The following RNF43 variants were observed in gnomAD, a reference collection of about 807,000 sequenced individuals.
RNF43 encodes ring finger protein 43.
In RNF43, 37 loss-of-function variants were observed where a neutral mutation model predicts 78.4. That is an observed-to-expected ratio of 0.47 (90% CI 0.36 to 0.62). The LOEUF is 0.62. RNF43 is among the 20% of genes least tolerant of loss of function. The probability of loss-of-function intolerance (pLI) is 0.00; values close to 1 mark genes in which losing one functional copy is unlikely to be tolerated. For synonymous variants in RNF43, 347 were observed against 395.0 expected, an observed-to-expected ratio of 0.88 and a Z score of 1.44; for missense variants, 774 against 1,007.9, an observed-to-expected ratio of 0.77 and a Z score of 3.14.
At chr17:58,361,271 C>T (rs1421491430) in intron 6 of RNF43, among the ~76,000 whole-genome samples, 2 of 152,210 alleles carry the variant, frequency 1.3e-5, no homozygotes, top group Admixed American at 6.5e-5. Flanking sequence ...ATGGGTTCAT[C>T]TCCAACCACA....
intron 3 of RNF43, among the ~76,000 whole-genome samples, chr17:58,366,992 ATTT>A (rs60382535): frequency 7.3e-5 from 9 of 122,796 alleles, no homozygotes; most frequent in African/African-American, 1.6e-4. Flanking sequence ...GGCCCGGCTA[ATTT>A]TTTTTTTTTT....
intron 2 of RNF43, among the ~76,000 whole-genome samples, chr17:58,392,799 T>G (rs960919051): frequency 6.6e-6 from 1 of 152,274 alleles, no homozygotes; most frequent in African/African-American, 2.4e-5. Context: ...TGGATATGGT[T>G]GTTTCATTCT....
chr17:58,371,875 G>A (rs1016147999), intron 2 of RNF43, among the ~76,000 whole-genome samples: 2 of 152,172 alleles, frequency 1.3e-5, no homozygotes, highest in Non-Finnish European at 2.9e-5. Context: ...CTCATCAAAG[G>A]GGTGAGACCA....
chr17:58,385,440 G>T (rs932892055), intron 2 of RNF43, among the ~76,000 whole-genome samples: 2 of 152,142 alleles, frequency 1.3e-5, no homozygotes, highest in Non-Finnish European at 2.9e-5. Flanking sequence ...CATTTTCCTA[G>T]AGACTCTGGC....
intron 2 of RNF43, among the ~76,000 whole-genome samples, chr17:58,382,578 C>G (rs1250361257): frequency 6.6e-6 from 1 of 152,212 alleles, no homozygotes; most frequent in Non-Finnish European, 1.5e-5. Flanking sequence ...AAACTCACTT[C>G]TTTCTGGAGA....
In RNF43 at chr17:58,362,646, T is replaced by C. The variant is rs1406670009; in HGVS notation, c.585A>G (p.Pro195=). The change falls in exon 6 of 10, where the codon CCA becomes CCG. Residue 195 remains proline (P), a splice_region_variant and synonymous_variant. Coordinates refer to ENST00000407977, the MANE Select transcript of RNF43 (RefSeq NM_017763.6). ...TCATTAGGATCCACACATCATAATC[T>C]GGCTGGGGAGTGAGCAGAGAGGGAA... ...RIELKEPPAW[P]DYDVWILMTV... 6.2e-7 allele frequency: 1 copy of C among 1,608,602 alleles called. No individual in the cohort carries two copies. The highest frequency in any genetic ancestry group is 8.5e-7 in the Non-Finnish European group (1 of 1,177,036).
chr17:58,396,409 A>G (rs1024404401), intron 2 of RNF43, among the ~76,000 whole-genome samples: 13 of 152,230 alleles, frequency 8.5e-5, no homozygotes, highest in African/African-American at 2.9e-4. Flanking sequence ...GCTGAAACAG[A>G]TAAGCCTTAG....
intron 5 of RNF43, among the ~76,000 whole-genome samples, chr17:58,362,890 G>GA (rs1972867645): frequency 6.6e-6 from 1 of 152,160 alleles, no homozygotes; most frequent in African/African-American, 2.4e-5. Context: ...TGTGCTTGGG[G>GA]AAAAAAGAGA....
intron 2 of RNF43, among the ~76,000 whole-genome samples, chr17:58,402,007 G>C (rs973665941): frequency 6.6e-6 from 1 of 152,172 alleles, no homozygotes; most frequent in African/African-American, 2.4e-5. Context: ...TTCCATGAAA[G>C]AGACGGTCTT....
At chr17:58,406,898 C>T (rs184564952) in intron 2 of RNF43, among the ~76,000 whole-genome samples, 77 of 151,422 alleles carry the variant, frequency 5.1e-4, no homozygotes, top group African/African-American at 1.7e-3. Flanking sequence ...TTTTGATATA[C>T]TAGCACGCAC....
intron 9 of RNF43, among the ~76,000 whole-genome samples, chr17:58,356,158 T>G (rs554617454): frequency 6.6e-6 from 1 of 152,118 alleles, no homozygotes; most frequent in African/African-American, 2.4e-5. Context: ...GATGTCCTGA[T>G]TGGCAAGTTC....
In RNF43 at chr17:58,370,896, G is replaced by T. The variant is rs1249083177; in HGVS notation, c.375+15C>A. ...GTGAAGCTCCGGGTGTGTGTAGGGCGAAGTGTGAGTCTACCTTGCTAGCCA... is the reference window on the plus strand; with the variant it reads ...GTGAAGCTCCGGGTGTGTGTAGGGCTAAGTGTGAGTCTACCTTGCTAGCCA... On this transcript the variant is annotated intron_variant, in intron 3 of 9. Coordinates refer to ENST00000407977, the MANE Select transcript of RNF43 (RefSeq NM_017763.6). 7 of 1,581,690 alleles carry T rather than the reference G, an allele frequency of 4.4e-6. No homozygotes were observed. Among genetic ancestry groups the T allele is most frequent in the Non-Finnish European group, 4.3e-6 (5 of 1,162,328 alleles).
rs549993660 is a variant in RNF43 at position 58,358,597 on chromosome 17, A to G, written c.1179T>C (p.Ala393=). 1 of 1,581,688 alleles carries G rather than the reference A, an allele frequency of 6.3e-7. No individual in the cohort carries two copies. The highest frequency in any genetic ancestry group is 8.6e-7 in the Non-Finnish European group (1 of 1,162,606). Residue 393 remains alanine (A), a synonymous_variant, in exon 9 of 10, where the codon GCT becomes GCC. Coordinates refer to ENST00000407977, the MANE Select transcript of RNF43 (RefSeq NM_017763.6). The surrounding 1 kb of genome is among the most constrained non-coding windows in gnomAD (Gnocchi z 6.2). ...MGPRHHRFPR[A]AHPRAPGEQQ... ...GCTCTCCTGGAGCCCGGGGATGTGC[A>G]GCTCTGGGGAAGCGGTGATGCCGAG...
chr17:58,406,164 T>A (rs146792901), intron 2 of RNF43, among the ~76,000 whole-genome samples: 6 of 152,324 alleles, frequency 3.9e-5, no homozygotes, highest in African/African-American at 1.4e-4. Flanking sequence ...TTTTAAAGTA[T>A]GCCTGTAGTT....
chr17:58,366,635 CTG>C (rs1378038750), intron 3 of RNF43, among the ~76,000 whole-genome samples: 1 of 152,180 alleles, frequency 6.6e-6, no homozygotes, highest in Non-Finnish European at 1.5e-5. Context: ...CAACTATTAG[CTG>C]TGAGACTTGG....
At chr17:58,353,209 C>G (rs1468665336), downstream of RNF43, 1 of 216,098 alleles carries the variant, frequency 4.6e-6, no homozygotes, top group Non-Finnish European at 9.3e-6. Flanking sequence ...GTTGGCGGTC[C>G]CATGCTGTGT....
intron 1 of RNF43, chr17:58,416,236 T>G (rs183738589): frequency 2.6e-4 from 40 of 153,210 alleles, no homozygotes; most frequent in Non-Finnish European, 4.7e-4. Flanking sequence ...TGTATTTCAG[T>G]GTGGCCAGGT....
chr17:58,367,013 GA>G (rs1972970219), intron 3 of RNF43, among the ~76,000 whole-genome samples: 3 of 35,662 alleles, frequency 8.4e-5, no homozygotes, highest in African/African-American at 2.4e-4. Flanking sequence ...TTTTTTTTTT[GA>G]GACGGAGTCT....
At position 58,362,528 on chromosome 17, in the gene RNF43, A is replaced by T; in HGVS notation, c.687+16T>A. 1 of 1,593,410 alleles carries T rather than the reference A, an allele frequency of 6.3e-7. No individual in the cohort carries two copies. The highest frequency in any genetic ancestry group is 1.4e-5 in the African/African-American group (1 of 74,058). On this transcript the variant is annotated intron_variant, in intron 6 of 9. Transcript: ENST00000407977. ...ACGCACACGTTCACCGCCGCCAAAG[A>T]CCCCACACTGCTCACCGGCCTGCTG...
Sources: allele counts gnomAD v4.1 joint callset (sites outside exome capture counted in the v4.1 genomes callset), GRCh38; gene constraint gnomAD v4.1.1; non-coding constraint Gnocchi (gnomAD v3.1); transcripts MANE v1.5; gene names NCBI Gene and HGNC (gene_info 2026-07-23, HGNC 2026-07-21).